EPC1: variants seen among roughly 807,000 people sequenced by gnomAD.
The protein encoded by EPC1 is enhancer of polycomb homolog 1.
Under a neutral mutation model 98.4 loss-of-function variants are expected in EPC1, and 12 were observed. The ratio of observed to expected loss-of-function variants is 0.12; its 90% confidence interval spans 0.08 to 0.20. The LOEUF (loss-of-function observed/expected upper bound fraction) is 0.20. Ranked by LOEUF, EPC1 falls within the 10% of genes least tolerant of loss-of-function variation. EPC1 has a pLI of 1.00. For synonymous variants in EPC1, 357 were observed against 363.9 expected, an observed-to-expected ratio of 0.98 and a Z score of 0.21; for missense variants, 729 against 990.5, an observed-to-expected ratio of 0.74 and a Z score of 3.54.
intron 1 of EPC1, among the ~76,000 whole-genome samples, chr10:32,311,658 T>G (rs1230936192): frequency 2.6e-5 from 4 of 152,206 alleles, no homozygotes; most frequent in African/African-American, 7.2e-5. Flanking sequence ...ACAATCTCAG[T>G]GGATGGCTGA....
At chr10:32,313,722 C>A (rs1836383541) in intron 1 of EPC1, among the ~76,000 whole-genome samples, 1 of 151,996 alleles carries the variant, frequency 6.6e-6, no homozygotes, top group South Asian at 2.1e-4. Flanking sequence ...ACCGCCTCTA[C>A]TAAAAATACA....
Position 32,291,187 on chromosome 10 carries a change from A to T in EPC1, c.951T>A (p.Asp317Glu). Residue 317 changes from aspartate to glutamate, a missense_variant, in exon 6 of 14, where the codon GAT becomes GAA. By Grantham distance (45) the Asp-to-Glu change is conservative. Around this residue, in one of 6 missense-constraint regions of EPC1, gnomAD observed 390 missense variants for 438.6 expected, o/e 0.89. Transcript: ENST00000319778. ...SSQFKHQEAM[D>E]VKEFKVNKQD... ...CCTTATTAACTTTGAACTCCTTCACATCCATTGCTTCCTGGTGTTTAAATT... is the reference window on the plus strand; with the variant it reads ...CCTTATTAACTTTGAACTCCTTCACTTCCATTGCTTCCTGGTGTTTAAATT... 6.2e-7 allele frequency: 1 copy of T among 1,613,820 alleles called. No homozygotes were observed. The highest frequency in any genetic ancestry group is 8.5e-7 in the Non-Finnish European group (1 of 1,179,736).
chr10:32,352,548 C>T (rs777739758), intron 1 of EPC1, among the ~76,000 whole-genome samples: 5 of 152,126 alleles, frequency 3.3e-5, no homozygotes, highest in Non-Finnish European at 5.9e-5. Context: ...TATCACCTCC[C>T]CCATGAAACA....
chr10:32,361,337 A>G (rs1213579476), intron 1 of EPC1, among the ~76,000 whole-genome samples: 2 of 152,166 alleles, frequency 1.3e-5, no homozygotes, highest in African/African-American at 2.4e-5. Flanking sequence ...GGATCAGGAC[A>G]TACCACCCCA....
At chr10:32,331,963 C>T (rs973195667) in intron 1 of EPC1, among the ~76,000 whole-genome samples, 3 of 152,162 alleles carry the variant, frequency 2.0e-5, no homozygotes, top group Non-Finnish European at 2.9e-5. Context: ...AGTCTCATTC[C>T]AAAAGCTCAA....
intron 1 of EPC1, among the ~76,000 whole-genome samples, chr10:32,363,942 C>A (rs79820938): frequency 0.011 from 1,421 of 132,602 alleles, 12 homozygotes; most frequent in Middle Eastern, 0.035. Context: ...AAAAACAAAA[C>A]AATTTTATGT....
At chr10:32,299,562 C>CATCATTATT (rs1219644954) in intron 2 of EPC1, among the ~76,000 whole-genome samples, 1 of 152,094 alleles carries the variant, frequency 6.6e-6, no homozygotes, top group African/African-American at 2.4e-5. Context: ...TCATCATCAT[C>CATCATTATT]ATTATTATTA....
intron 1 of EPC1, among the ~76,000 whole-genome samples, chr10:32,360,757 AGTGGCCTGCGCCT>A (rs1286355764): frequency 6.6e-6 from 1 of 152,112 alleles, no homozygotes; most frequent in African/African-American, 2.4e-5. Context: ...AGCCAGGCGC[AGTGGCCTGCGCCT>A]GTAGTCCCAG....
intron 2 of EPC1, among the ~76,000 whole-genome samples, chr10:32,304,504 A>G (rs1835757559): frequency 6.6e-6 from 1 of 152,228 alleles, no homozygotes; most frequent in African/African-American, 2.4e-5. Context: ...AAATGTAACA[A>G]AACGTGACTG....
chr10:32,310,822 G>A (rs141176848), intron 1 of EPC1, among the ~76,000 whole-genome samples: 1,718 of 151,988 alleles, frequency 0.011, 34 homozygotes, highest in African/African-American at 0.039. Flanking sequence ...TGCAGTAAGC[G>A]GAGATCACGC....
chr10:32,282,585 A>G (rs538236103), intron 10 of EPC1: 1 of 152,308 alleles, frequency 6.6e-6, no homozygotes, highest in East Asian at 1.9e-4. Context: ...AAAAATTACA[A>G]GGTTACTAAT....
intron 1 of EPC1, among the ~76,000 whole-genome samples, chr10:32,376,902 C>T (rs907713685): frequency 5.9e-5 from 9 of 152,032 alleles, no homozygotes; most frequent in African/African-American, 1.4e-4. Flanking sequence ...ATTACTGATT[C>T]GTCCCACTTT....
chr10:32,352,586 A>G (rs929458090), intron 1 of EPC1, among the ~76,000 whole-genome samples: 2 of 152,110 alleles, frequency 1.3e-5, no homozygotes, highest in Non-Finnish European at 2.9e-5. Context: ...CTGGGCCCTA[A>G]TTTCCTAATC....
chr10:32,270,700 C>T (rs1835797040), intron 13 of EPC1, among the ~76,000 whole-genome samples: 1 of 151,694 alleles, frequency 6.6e-6, no homozygotes. Flanking sequence ...CGGTGTATGC[C>T]TGTAATCCCA....
chr10:32,291,761 G>A (rs1352424236), intron 5 of EPC1: 1 of 152,184 alleles, frequency 6.6e-6, no homozygotes, highest in African/African-American at 2.4e-5. Context: ...AGGCAAGATT[G>A]TAGTTAAACT....
chr10:32,284,977 G>T lies in EPC1; in HGVS notation c.1465C>A (p.Pro489Thr). 2 of 1,614,230 alleles carry T rather than the reference G, an allele frequency of 1.2e-6. No individual in the cohort carries two copies. The highest frequency in any genetic ancestry group is 1.1e-5 in the South Asian group (1 of 91,090). ...HHLDLEMLSS[P>T]QHSPVNQFAN... ...AACTGATTGACTGGAGAATGTTGTG[G>T]TGAGGAAAGCATTTCCAAATCCAGA... Residue 489 changes from proline to threonine, a missense_variant, in exon 10 of 14, where the codon CCA (proline) becomes ACA (threonine). Physicochemically the swap from Pro to Thr is conservative, Grantham distance 38 (BLOSUM62 -1). Around this residue, in one of 6 missense-constraint regions of EPC1, gnomAD observed 390 missense variants for 438.6 expected, o/e 0.89. Coordinates refer to ENST00000319778, the MANE Select transcript of EPC1 (RefSeq NM_001272004.3).
At chr10:32,278,225 G>C (rs1384254210) in intron 10 of EPC1, among the ~76,000 whole-genome samples, 2 of 151,236 alleles carry the variant, frequency 1.3e-5, no homozygotes, top group Non-Finnish European at 2.9e-5. Context: ...ATTTTTAGTA[G>C]AGACGGAGTT....
At chr10:32,349,173 A>G (rs1322435512), upstream of EPC1, among the ~76,000 whole-genome samples, 2 of 152,232 alleles carry the variant, frequency 1.3e-5, no homozygotes, top group Non-Finnish European at 2.9e-5. Context: ...TAGGTTCCTG[A>G]AAGTCCTAGC....
intron 6 of EPC1, 109 bp downstream of exon 6, chr10:32,291,053 AG>A (rs1423764790): frequency 1.0e-6 from 1 of 982,976 alleles, no homozygotes; most frequent in Non-Finnish European, 1.5e-6. Context: ...CTGGGATTAC[AG>A]GCGTGAGCCA....
Sources: allele counts gnomAD v4.1 joint callset (sites outside exome capture counted in the v4.1 genomes callset), GRCh38; gene constraint gnomAD v4.1.1; regional missense constraint gnomAD v4.1.1; transcripts MANE v1.5; gene names NCBI Gene and HGNC (gene_info 2026-07-23, HGNC 2026-07-21).